SLC39A8: variants seen among roughly 807,000 people sequenced by gnomAD.
The protein encoded by SLC39A8 is metal cation symporter ZIP8.
SLC39A8 carries 15 observed loss-of-function variants against 40.4 expected under a neutral mutation model. The ratio of observed to expected loss-of-function variants is 0.37; its 90% CI spans 0.25 to 0.57. SLC39A8 has a LOEUF of 0.57. SLC39A8 is among the 20% of genes least tolerant of loss of function. SLC39A8 has a pLI of 0.75. For synonymous variants in SLC39A8, 223 were observed against 221.6 expected, an observed-to-expected ratio of 1.01 and a Z score of -0.06; for missense variants, 472 against 558.8, an observed-to-expected ratio of 0.84 and a Z score of 1.57.
intron 2 of SLC39A8, among the ~76,000 whole-genome samples, chr4:102,329,074 G>T (rs1578622704): frequency 6.6e-6 from 1 of 151,782 alleles, no homozygotes; most frequent in East Asian, 1.9e-4. Flanking sequence ...AGTCTGGTAA[G>T]TGTGGAGGTA....
chr4:102,293,908 GT>G lies in SLC39A8; in HGVS notation c.840+10408del, dbSNP rs148720726. ...CAGTGTGGTGGTAGGTCAGAGTTTTGTTTTTTTTTTCCAAATAGACAAGTGA... is the reference window on the plus strand; with the variant it reads ...CAGTGTGGTGGTAGGTCAGAGTTTTGTTTTTTTTTCCAAATAGACAAGTGA... On this transcript the variant is annotated intron_variant, in intron 6 of 8. Coordinates refer to ENST00000356736, the MANE Select transcript of SLC39A8 (RefSeq NM_001135146.2). Among the ~76,000 whole-genome samples the G allele has an allele frequency of 4.0e-3, 588 of 146,722 alleles. 1 individual carries two copies. The highest frequency in any genetic ancestry group is 0.014 in the African/African-American group (555 of 40,232).
intron 6 of SLC39A8, among the ~76,000 whole-genome samples, chr4:102,286,193 G>C (rs902835421): frequency 6.6e-6 from 1 of 152,108 alleles, no homozygotes; most frequent in Non-Finnish European, 1.5e-5. Flanking sequence ...TTGCCACTGG[G>C]CTTTCCACAC....
chr4:102,283,490 G>C (rs1732999685), intron 6 of SLC39A8, among the ~76,000 whole-genome samples: 1 of 152,144 alleles, frequency 6.6e-6, no homozygotes, highest in Non-Finnish European at 1.5e-5. Context: ...AGTACCTCTG[G>C]TTTTGAGTAG....
chr4:102,342,452 C>T (rs538741781), intron 2 of SLC39A8, among the ~76,000 whole-genome samples: 23 of 152,132 alleles, frequency 1.5e-4, no homozygotes, highest in African/African-American at 4.8e-4. Context: ...GAACTGAGAT[C>T]GTGCCATTGC....
intron 2 of SLC39A8, among the ~76,000 whole-genome samples, chr4:102,321,892 G>C (rs1734982588): frequency 6.6e-6 from 1 of 152,216 alleles, no homozygotes; most frequent in Non-Finnish European, 1.5e-5. Flanking sequence ...ACAAAGGCTT[G>C]AGAATGCATA....
At chr4:102,280,372 A>T (rs1041784860) in intron 6 of SLC39A8, among the ~76,000 whole-genome samples, 8 of 152,180 alleles carry the variant, frequency 5.3e-5, no homozygotes, top group Non-Finnish European at 1.0e-4. Context: ...AGGATTTGAC[A>T]TATCCAAAGT....
downstream of SLC39A8, among the ~76,000 whole-genome samples, chr4:102,260,079 A>G (rs925224516): frequency 6.6e-6 from 1 of 152,226 alleles, no homozygotes. Context: ...ACTGGTTATT[A>G]GGAAAGACTG....
chr4:102,290,638 G>A (rs1733388443), intron 6 of SLC39A8, among the ~76,000 whole-genome samples: 1 of 151,772 alleles, frequency 6.6e-6, no homozygotes, highest in African/African-American at 2.4e-5. Context: ...GAGTTTGTAG[G>A]TGTGAAGAAG....
chr4:102,334,197 G>A (rs902814544), intron 2 of SLC39A8, among the ~76,000 whole-genome samples: 8 of 152,160 alleles, frequency 5.3e-5, no homozygotes, highest in Non-Finnish European at 8.8e-5. Flanking sequence ...AAAGATCATG[G>A]AATATTCAGG....
In SLC39A8 at chr4:102,344,800, C is replaced by A; in HGVS notation, c.-138G>T. On this transcript the variant is annotated 5_prime_UTR_variant, in exon 2 of 9. Transcript: ENST00000356736. The stretch of plus-strand genomic sequence containing the variant: ...CCGAGTCAGAGGTGGCGCGGGACGC[C>A]CCTGGTTCTCCGACGCCTTCGAAAG... The A allele has an allele frequency of 7.6e-7, 1 of 1,321,130 alleles. No homozygotes were observed. Among genetic ancestry groups the A allele is most frequent in the Non-Finnish European group, 9.6e-7 (1 of 1,040,254 alleles). The allele number at this position is 1,321,130 out of a possible 1,614,324, so 81.8% of individuals were successfully genotyped here.
At chr4:102,291,456 C>T (rs1225830729) in intron 6 of SLC39A8, among the ~76,000 whole-genome samples, 3 of 152,026 alleles carry the variant, frequency 2.0e-5, no homozygotes, top group Non-Finnish European at 2.9e-5. Flanking sequence ...AAAATGTTCT[C>T]TCCCTACCCC....
chr4:102,273,703 C>A (rs1214397724), intron 6 of SLC39A8, among the ~76,000 whole-genome samples: 1 of 152,214 alleles, frequency 6.6e-6, no homozygotes, highest in Non-Finnish European at 1.5e-5. Context: ...AGGGCTCCAA[C>A]TGGCATCTGA....
At chr4:102,296,329 A>G (rs187021849) in intron 6 of SLC39A8, among the ~76,000 whole-genome samples, 1 of 125,736 alleles carries the variant, frequency 8.0e-6, no homozygotes, top group Non-Finnish European at 1.8e-5. Context: ...ACAAGAAGTC[A>G]TCTTTTTAAG....
chr4:102,337,370 A>G (rs754138125), intron 2 of SLC39A8, among the ~76,000 whole-genome samples: 8 of 152,186 alleles, frequency 5.3e-5, no homozygotes, highest in Non-Finnish European at 8.8e-5. Context: ...ATATCCCAAG[A>G]TAAGAATAAA....
intron 6 of SLC39A8, among the ~76,000 whole-genome samples, chr4:102,272,714 C>T (rs375617328): frequency 5.9e-5 from 9 of 152,232 alleles, no homozygotes; most frequent in Non-Finnish European, 8.8e-5. Flanking sequence ...GCCAGACCAA[C>T]GCAGAAGGTA....
chr4:102,259,959 G>C (rs1731802445), downstream of SLC39A8, among the ~76,000 whole-genome samples: 1 of 152,148 alleles, frequency 6.6e-6, no homozygotes, highest in Admixed American at 6.6e-5. Context: ...TTAGAATATA[G>C]ATCATCCTGT....
chr4:102,342,538 T>C (rs990123444), intron 2 of SLC39A8, among the ~76,000 whole-genome samples: 3 of 152,180 alleles, frequency 2.0e-5, no homozygotes, highest in Admixed American at 6.5e-5. Flanking sequence ...TTTGTTAGGC[T>C]TATTAAGTGG....
chr4:102,320,199 A>G (rs1412296069), intron 2 of SLC39A8, among the ~76,000 whole-genome samples: 2 of 136,700 alleles, frequency 1.5e-5, no homozygotes, highest in Non-Finnish European at 3.1e-5. Flanking sequence ...ATGTATATAT[A>G]TATGTATATA....
intron 6 of SLC39A8, among the ~76,000 whole-genome samples, chr4:102,289,936 G>A (rs977012061): frequency 5.3e-5 from 8 of 152,168 alleles, no homozygotes; most frequent in Non-Finnish European, 1.0e-4. Flanking sequence ...ACAAAGCAGT[G>A]GTAGAGGTTC....
Sources: gnomAD v4.1 joint callset for allele counts (sites outside exome capture counted in the v4.1 genomes callset) on GRCh38, gnomAD v4.1.1 for gene constraint, MANE v1.5 for transcripts, NCBI Gene and HGNC (gene_info 2026-07-23, HGNC 2026-07-21) for gene names.